PDE10A: variants seen among roughly 807,000 people sequenced by gnomAD.
The protein encoded by PDE10A is cAMP and cAMP-inhibited cGMP 3',5'-cyclic phosphodiesterase 10A.
PDE10A carries 39 observed loss-of-function variants against 97.7 expected under a neutral mutation model. That is an observed-to-expected ratio of 0.40 (90% CI 0.31 to 0.52). PDE10A has a LOEUF of 0.52. Ranked by LOEUF, PDE10A falls within the 20% of genes least tolerant of loss-of-function variation. The pLI is 0.56. For synonymous variants in PDE10A, 371 were observed against 376.8 expected (o/e 0.98, Z 0.18); for missense variants, 731 against 1,047.8 (o/e 0.70, Z 4.17).
At chr6:165,535,833 A>G (rs1007054881) in intron 2 of PDE10A, among the ~76,000 whole-genome samples, 1 of 151,946 alleles carries the variant, frequency 6.6e-6, no homozygotes, top group African/African-American at 2.4e-5. Flanking sequence ...GAAAGCAAAA[A>G]AATATGGAAT....
chr6:165,841,621 C>G (rs1176269627), intron 1 of PDE10A, among the ~76,000 whole-genome samples: 1 of 152,250 alleles, frequency 6.6e-6, no homozygotes, highest in Non-Finnish European at 1.5e-5. Context: ...CAACCCTAAC[C>G]TTAAGTCGTC....
At chr6:165,971,169 T>C (rs924724667) in intron 1 of PDE10A, among the ~76,000 whole-genome samples, 2 of 152,182 alleles carry the variant, frequency 1.3e-5, no homozygotes, top group Non-Finnish European at 2.9e-5. Flanking sequence ...CCAATTTGCT[T>C]TTTGAACCTA....
intron 2 of PDE10A, among the ~76,000 whole-genome samples, chr6:165,536,467 C>T (rs192990828): frequency 1.3e-5 from 2 of 151,748 alleles, no homozygotes; most frequent in East Asian, 1.9e-4. Context: ...ATGTGATCAC[C>T]TCAAGCTTAA....
chr6:165,711,584 C>T lies in PDE10A; in HGVS notation c.-614-168016G>A, dbSNP rs981160559. Among the ~76,000 whole-genome samples, 7 of 152,028 alleles carry T rather than the reference C, an allele frequency of 4.6e-5. No individual in the cohort carries two copies. Among genetic ancestry groups the T allele is most frequent in the African/African-American group, 1.7e-4 (7 of 41,384 alleles). On this transcript the variant is annotated intron_variant, in intron 1 of 19. Transcript: ENST00000366882. This position sits in a 1 kb window ranked among gnomAD's most constrained non-coding sequence, Gnocchi z 4.5. ...CGCTTTCTAGATCCTCCAGCCAGGCCCAAACGCTGAGGAATGTGAGTGTGT... is the reference window on the plus strand; with the variant it reads ...CGCTTTCTAGATCCTCCAGCCAGGCTCAAACGCTGAGGAATGTGAGTGTGT...
chr6:165,916,809 A>G (rs7766975), intron 1 of PDE10A, among the ~76,000 whole-genome samples: 7,910 of 152,204 alleles, frequency 0.052, 241 homozygotes, highest in South Asian at 0.14. Flanking sequence ...GCTCTGTGGG[A>G]TAAGGGCCAC....
chr6:165,570,504 T>C (rs1001628542), intron 1 of PDE10A, among the ~76,000 whole-genome samples: 1 of 152,200 alleles, frequency 6.6e-6, no homozygotes, highest in Non-Finnish European at 1.5e-5. Flanking sequence ...GATTTTGCTT[T>C]GTTAATATCA....
At chr6:165,949,289 T>C (rs1229179449) in intron 1 of PDE10A, 1 of 152,192 alleles carries the variant, frequency 6.6e-6, no homozygotes, top group Non-Finnish European at 1.5e-5. Flanking sequence ...AGAATGCTTG[T>C]TATTACAACG....
At chr6:165,594,831 C>T (rs573234272) in intron 1 of PDE10A, among the ~76,000 whole-genome samples, 22 of 152,236 alleles carry the variant, frequency 1.4e-4, no homozygotes, top group African/African-American at 4.6e-4. Context: ...GGACATGCAA[C>T]GCAATGGTAA....
intron 1 of PDE10A, among the ~76,000 whole-genome samples, chr6:165,645,228 C>A (rs1482165857): frequency 6.6e-6 from 1 of 152,182 alleles, no homozygotes; most frequent in Non-Finnish European, 1.5e-5. Context: ...AGCGAGGGTG[C>A]GGCTGCCTTC....
At chr6:165,340,535 G>T (rs1781911340) in intron 19 of PDE10A, among the ~76,000 whole-genome samples, 1 of 152,210 alleles carries the variant, frequency 6.6e-6, no homozygotes, top group African/African-American at 2.4e-5. Context: ...TCTATCCAAA[G>T]TGAGTGAGAC....
intron 1 of PDE10A, among the ~76,000 whole-genome samples, chr6:165,620,604 C>T (rs558177113): frequency 1.0e-3 from 156 of 152,156 alleles, no homozygotes; most frequent in African/African-American, 3.7e-3. Context: ...GTGGGGTGGC[C>T]AAAGGCAGAG....
At chr6:165,966,079 G>A (rs1784501638) in intron 1 of PDE10A, among the ~76,000 whole-genome samples, 1 of 152,164 alleles carries the variant, frequency 6.6e-6, no homozygotes, top group Non-Finnish European at 1.5e-5. Flanking sequence ...CTACAAAATT[G>A]GGACTTCATA....
chr6:165,921,831 G>A (rs912293660), intron 1 of PDE10A, among the ~76,000 whole-genome samples: 1 of 152,176 alleles, frequency 6.6e-6, no homozygotes, highest in African/African-American at 2.4e-5. Flanking sequence ...GAAAGAGACT[G>A]GCTTTCCCTT....
intron 2 of PDE10A, among the ~76,000 whole-genome samples, chr6:165,533,567 T>C (rs1390299043): frequency 1.3e-5 from 2 of 152,214 alleles, no homozygotes; most frequent in Non-Finnish European, 2.9e-5. Context: ...TATACATTCA[T>C]AGTGGATACT....
chr6:165,987,954 C>G (rs961054492), exon 1 of PDE10A: 1 of 382,772 alleles, frequency 2.6e-6, no homozygotes. Context: ...CTCTTTAGAA[C>G]ATGAGTGCTT....
chr6:165,469,661 A>C (rs2128269428), intron 3 of PDE10A, among the ~76,000 whole-genome samples: 1 of 152,182 alleles, frequency 6.6e-6, no homozygotes, highest in Non-Finnish European at 1.5e-5. Context: ...GTTATCATCA[A>C]GAATGAGTGG....
chr6:165,514,158 C>T (rs886573809), intron 2 of PDE10A, among the ~76,000 whole-genome samples: 3 of 152,096 alleles, frequency 2.0e-5, no homozygotes, highest in Admixed American at 6.5e-5. Context: ...CATACTGTAT[C>T]GTATTTTTTA....
intron 10 of PDE10A, among the ~76,000 whole-genome samples, chr6:165,421,212 T>A (rs2128232063): frequency 6.6e-6 from 1 of 152,234 alleles, no homozygotes; most frequent in South Asian, 2.1e-4. Context: ...GAGACTGAGA[T>A]GGGCAGATCT....
At chr6:165,670,543 T>A (rs61257447) in intron 1 of PDE10A, among the ~76,000 whole-genome samples, 8,239 of 152,224 alleles carry the variant, frequency 0.054, 752 homozygotes, top group African/African-American at 0.19. Context: ...TCTTGCTTGA[T>A]TAAAAACTTG....
Sources: gnomAD v4.1 joint callset for allele counts (sites outside exome capture counted in the v4.1 genomes callset) on GRCh38, gnomAD v4.1.1 for gene constraint, Gnocchi (gnomAD v3.1) non-coding constraint, MANE v1.5 for transcripts, NCBI Gene and HGNC (gene_info 2026-07-23, HGNC 2026-07-21) for gene names.